C11orf65: variants seen among roughly 807,000 people sequenced by gnomAD.
C11orf65 encodes protein MFI.
Under a neutral mutation model 35.3 loss-of-function variants are expected in C11orf65, and 38 were observed. The ratio of observed to expected loss-of-function variants is 1.08; its 90% confidence interval spans 0.83 to 1.41. The LOEUF is 1.41. C11orf65 is among the 40% of genes most tolerant of loss of function. C11orf65 has a pLI of 0.00. For missense variants in C11orf65, 370 were observed against 367.1 expected (o/e 1.01, Z -0.06); for synonymous variants, 105 against 114.4 (o/e 0.92, Z 0.53).
At chr11:108,329,195 G>A (rs1163371592), downstream of C11orf65, 2 of 1,613,890 alleles carry the variant, frequency 1.2e-6, no homozygotes, top group African/African-American at 2.7e-5. Context: ...AAGAGCCAAA[G>A]AGGAAGTAGG....
At chr11:108,425,317 T>A (rs955543491) in intron 3 of C11orf65, among the ~76,000 whole-genome samples, 10 of 152,032 alleles carry the variant, frequency 6.6e-5, no homozygotes, top group African/African-American at 2.2e-4. Context: ...AAAGATGATA[T>A]CACCACTGAT....
intron 2 of C11orf65, among the ~76,000 whole-genome samples, chr11:108,347,592 CAAGA>C (rs916730286): frequency 6.6e-6 from 1 of 151,904 alleles, no homozygotes; most frequent in Non-Finnish European, 1.5e-5. Context: ...GCCTGGTCTT[CAAGA>C]AAGAAAGAAA....
chr11:108,397,406 T>C (rs570655281), intron 6 of C11orf65, among the ~76,000 whole-genome samples: 32 of 152,280 alleles, frequency 2.1e-4, no homozygotes, highest in African/African-American at 7.7e-4. Flanking sequence ...CATGATCTTA[T>C]ATTCTTTCTA....
At chr11:108,451,068 ACT>A in intron 2 of C11orf65, among the ~76,000 whole-genome samples, 1 of 151,894 alleles carries the variant, frequency 6.6e-6, no homozygotes, top group Non-Finnish European at 1.5e-5. Flanking sequence ...ATGGGCAAAA[ACT>A]GGAAGCATTC....
At chr11:108,320,688 T>C (rs1197312509) in intron 6 of C11orf65, among the ~76,000 whole-genome samples, 1 of 152,146 alleles carries the variant, frequency 6.6e-6, no homozygotes, top group African/African-American at 2.4e-5. Context: ...GCAATTTAGA[T>C]CTAGGTCTGT....
intron 6 of C11orf65, among the ~76,000 whole-genome samples, chr11:108,396,340 G>A (rs1288019641): frequency 2.0e-5 from 3 of 151,670 alleles, no homozygotes; most frequent in Admixed American, 6.6e-5. Context: ...TGATCTGCCC[G>A]CCTCCACCTC....
intron 6 of C11orf65, among the ~76,000 whole-genome samples, chr11:108,401,268 T>A (rs2092434227): frequency 6.6e-6 from 1 of 151,012 alleles, no homozygotes; most frequent in South Asian, 2.1e-4. Flanking sequence ...AACACACAAT[T>A]CCCTGAACTT....
chr11:108,363,524 T>G (rs2091028413), intron 2 of C11orf65, among the ~76,000 whole-genome samples: 1 of 152,154 alleles, frequency 6.6e-6, no homozygotes, highest in Admixed American at 6.6e-5. Context: ...CTGGAGGCAT[T>G]TTTATTGTCA....
chr11:108,325,606 CAG>C lies in C11orf65; in HGVS notation c.641-16537_641-16536del, dbSNP rs1321252365. The C allele has an allele frequency of 2.9e-6, 4 of 1,367,862 alleles. No homozygotes were observed. Among genetic ancestry groups the C allele is most frequent in the Non-Finnish European group, 3.1e-6 (3 of 974,778 alleles). The allele number at this position is 1,367,862 out of a possible 1,614,324, so 84.7% of individuals were successfully genotyped here. A position where few individuals can be genotyped will look rare whatever the true frequency, so the allele number is the denominator to read the frequency against. Reference sequence around the variant, plus strand: ...GACTTTCCTTTTATTATTTAAAAAACAGAAAGCCTGAGGGAAAAAGAAATGTC... The same window carrying C: ...GACTTTCCTTTTATTATTTAAAAAACAAAGCCTGAGGGAAAAAGAAATGTC... On this transcript the variant is annotated intron_variant, in intron 6 of 6. Coordinates refer to the C11orf65 transcript ENST00000525729.
rs1010057824 is a variant in C11orf65 at position 108,467,488 on chromosome 11, G to T, written c.-27C>A. 1.3e-5 allele frequency: 2 copies of T among 152,438 alleles called. No homozygotes were observed. The highest frequency in any genetic ancestry group is 4.8e-5 in the African/African-American group (2 of 41,424). The allele number at this position is 152,438 out of a possible 1,614,324, so 9.4% of individuals were successfully genotyped here. ...TCACCTACCAATCGCTGCTGGCCCG[G>T]GCGCCGCTGGACTCCTAGGTAACGT... On this transcript the variant is annotated 5_prime_UTR_variant, in exon 1 of 9. Transcript: ENST00000393084.
intron 3 of C11orf65, among the ~76,000 whole-genome samples, chr11:108,407,968 T>C (rs528285846): frequency 8.4e-6 from 1 of 118,570 alleles, no homozygotes; most frequent in Admixed American, 8.6e-5. Flanking sequence ...GAAAAGAAAA[T>C]ATTTTATGAG....
chr11:108,316,945 A>T (rs2084716065), intron 6 of C11orf65, among the ~76,000 whole-genome samples: 1 of 151,334 alleles, frequency 6.6e-6, no homozygotes, highest in Admixed American at 6.6e-5. Context: ...TAAATAAATA[A>T]ATTTTAGAGA....
intron 3 of C11orf65, chr11:108,335,169 A>T (rs1340279471): frequency 1.2e-6 from 2 of 1,610,806 alleles, no homozygotes; most frequent in Admixed American, 1.7e-5. Flanking sequence ...TTTTTAGTTC[A>T]TATTTTCTTT....
chr11:108,409,658 T>C (rs971794897), intron 3 of C11orf65, among the ~76,000 whole-genome samples: 3 of 152,084 alleles, frequency 2.0e-5, no homozygotes, highest in African/African-American at 7.2e-5. Context: ...CCCCAGGCCA[T>C]GGACTGGTAC....
intron 2 of C11orf65, among the ~76,000 whole-genome samples, chr11:108,438,545 C>T (rs1425808874): frequency 6.9e-6 from 1 of 144,022 alleles, no homozygotes; most frequent in African/African-American, 2.7e-5. Flanking sequence ...AGCAAGATTT[C>T]GTCTGGAAAA....
intron 6 of C11orf65, among the ~76,000 whole-genome samples, chr11:108,404,509 G>A (rs531283523): frequency 8.5e-4 from 129 of 151,988 alleles, no homozygotes; most frequent in Non-Finnish European, 4.1e-4. Context: ...CTGGGTTCAC[G>A]CCATTCTCCT....
upstream of C11orf65, among the ~76,000 whole-genome samples, chr11:108,468,913 G>A (rs555391584): frequency 2.0e-3 from 306 of 152,212 alleles, no homozygotes; most frequent in African/African-American, 7.1e-3. Context: ...AGACCAGCCT[G>A]GACAACATGG....
chr11:108,339,994 G>A (rs1591225966), intron 2 of C11orf65, among the ~76,000 whole-genome samples: 1 of 152,160 alleles, frequency 6.6e-6, no homozygotes, highest in Admixed American at 6.5e-5. Context: ...ACTCTACTGA[G>A]TGCTAGGTCT....
At chr11:108,311,577 A>G (rs987081898) in intron 6 of C11orf65, among the ~76,000 whole-genome samples, 6 of 152,166 alleles carry the variant, frequency 3.9e-5, no homozygotes, top group African/African-American at 1.2e-4. Flanking sequence ...CTGCACATGT[A>G]GTCCCAGCAA....
Sources: allele counts gnomAD v4.1 joint callset (sites outside exome capture counted in the v4.1 genomes callset), GRCh38; gene constraint gnomAD v4.1.1; transcripts MANE v1.5; gene names NCBI Gene and HGNC (gene_info 2026-07-23, HGNC 2026-07-21).